Variants in C12orf75 observed in about 807,000 individuals in gnomAD.
C12orf75 encodes the protein overexpressed in colon carcinoma 1 protein.
C12orf75 carries 4 observed loss-of-function variants against 11.4 expected under a neutral mutation model. The ratio of observed to expected loss-of-function variants is 0.35; its 90% CI spans 0.17 to 0.80. The LOEUF (loss-of-function observed/expected upper bound fraction) is 0.80, where lower values mean the gene tolerates loss of function less well. C12orf75 is among the 30% of genes least tolerant of loss of function. The pLI is 0.52. For missense variants in C12orf75, 89 were observed against 80.4 expected, an observed-to-expected ratio of 1.11 and a Z score of -0.41; for synonymous variants, 30 against 30.0, an observed-to-expected ratio of 1.00 and a Z score of 0.00.
chr12:105,369,156 C>T (rs10735404), intron 5 of C12orf75, among the ~76,000 whole-genome samples: 79,397 of 152,054 alleles, frequency 0.52, 22,349 homozygotes, highest in African/African-American at 0.73. Context: ...AGACCTAAGA[C>T]GAATCCCTTA....
At chr12:105,369,712 T>C (rs1053258821) in intron 5 of C12orf75, among the ~76,000 whole-genome samples, 6 of 152,212 alleles carry the variant, frequency 3.9e-5, no homozygotes, top group African/African-American at 7.2e-5. Flanking sequence ...ATGCGATGTT[T>C]AGCTGTCTCT....
At chr12:105,370,432 C>T (rs1015062370) in intron 5 of C12orf75, among the ~76,000 whole-genome samples, 2 of 152,148 alleles carry the variant, frequency 1.3e-5, no homozygotes, top group African/African-American at 2.4e-5. Context: ...CTTTTCCTAC[C>T]CAACTTTGCC....
At chr12:105,353,444 A>T (rs1892738609) in intron 2 of C12orf75, 1 of 152,128 alleles carries the variant, frequency 6.6e-6, no homozygotes, top group African/African-American at 2.4e-5. Context: ...TGGGGTGCTC[A>T]TTGGCCAGGC....
chr12:105,336,444 T>C (rs1318806973), intron 1 of C12orf75, among the ~76,000 whole-genome samples: 1 of 152,220 alleles, frequency 6.6e-6, no homozygotes, highest in African/African-American at 2.4e-5. Context: ...TGAGTTAATG[T>C]GTGTAAAGTG....
intron 1 of C12orf75, among the ~76,000 whole-genome samples, chr12:105,338,742 G>A (rs1204187685): frequency 6.6e-6 from 1 of 151,994 alleles, no homozygotes; most frequent in Non-Finnish European, 1.5e-5. Flanking sequence ...AGGGAGGGAG[G>A]TGCCAGGCTC....
At chr12:105,361,341 A>ATGGGGCAGCCCTGTTGTTTGGATAGC in intron 2 of C12orf75, among the ~76,000 whole-genome samples, 1 of 152,216 alleles carries the variant, frequency 6.6e-6, no homozygotes, top group Non-Finnish European at 1.5e-5. Flanking sequence ...TGGTTTGCAG[A>ATGGGGCAGCCCTGTTGTTTGGATAGC]TGGGGCAGCC....
chr12:105,342,334 G>T (rs1418192679), intron 1 of C12orf75, among the ~76,000 whole-genome samples: 1 of 152,190 alleles, frequency 6.6e-6, no homozygotes, highest in African/African-American at 2.4e-5. Flanking sequence ...AGAGTGGGTT[G>T]CTGTAAAAGC....
chr12:105,354,502 A>G (rs1289935894), intron 2 of C12orf75, among the ~76,000 whole-genome samples: 2 of 152,238 alleles, frequency 1.3e-5, no homozygotes, highest in Non-Finnish European at 1.5e-5. Flanking sequence ...CTGGAGGGAC[A>G]GATTACAAAT....
chr12:105,333,618 G>C (rs1331735842), intron 1 of C12orf75, among the ~76,000 whole-genome samples: 1 of 152,102 alleles, frequency 6.6e-6, no homozygotes, highest in African/African-American at 2.4e-5. Context: ...TGTGCTGTTT[G>C]CATTATTGTG....
At chr12:105,347,059 G>A (rs1892649955) in intron 1 of C12orf75, among the ~76,000 whole-genome samples, 1 of 152,224 alleles carries the variant, frequency 6.6e-6, no homozygotes, top group African/African-American at 2.4e-5. Context: ...CATAAGGGAG[G>A]TGAGGTTTTA....
At chr12:105,338,841 G>A (rs1191781880) in intron 1 of C12orf75, among the ~76,000 whole-genome samples, 1 of 152,070 alleles carries the variant, frequency 6.6e-6, no homozygotes, top group Non-Finnish European at 1.5e-5. Context: ...CTGCCCCTAT[G>A]GCCCAAACAC....
chr12:105,351,739 G>GTGTC (rs1447424024), intron 2 of C12orf75, among the ~76,000 whole-genome samples: 1 of 152,170 alleles, frequency 6.6e-6, no homozygotes, highest in Non-Finnish European at 1.5e-5. Context: ...CAGCCAGGTG[G>GTGTC]TGTCCCCTGG....
intron 1 of C12orf75, among the ~76,000 whole-genome samples, chr12:105,347,097 T>C (rs1281253901): frequency 6.6e-6 from 1 of 152,216 alleles, no homozygotes; most frequent in African/African-American, 2.4e-5. Context: ...TAATACCATA[T>C]ATCTTGTAGG....
intron 2 of C12orf75, among the ~76,000 whole-genome samples, chr12:105,362,022 A>G (rs1011056614): frequency 6.6e-6 from 1 of 152,238 alleles, no homozygotes; most frequent in African/African-American, 2.4e-5. Flanking sequence ...GTTGTTTCTC[A>G]TGCTGATGAA....
At chr12:105,347,892 T>C (rs1433587461) in intron 1 of C12orf75, among the ~76,000 whole-genome samples, 1 of 152,190 alleles carries the variant, frequency 6.6e-6, no homozygotes, top group Non-Finnish European at 1.5e-5. Flanking sequence ...AGCGCACAGT[T>C]TGACTTAACC....
At chr12:105,332,307 A>G (rs1442377801) in intron 1 of C12orf75, among the ~76,000 whole-genome samples, 1 of 152,216 alleles carries the variant, frequency 6.6e-6, no homozygotes, top group African/African-American at 2.4e-5. Context: ...ACATTAAAAA[A>G]AATTGTAGGA....
intron 1 of C12orf75, among the ~76,000 whole-genome samples, chr12:105,331,601 CACA>C (rs1892425885): frequency 6.6e-6 from 1 of 151,108 alleles, no homozygotes; most frequent in Non-Finnish European, 1.5e-5. Context: ...AACACACACA[CACA>C]CACACACACA....
At chr12:105,367,273 C>T (rs1170542447) in intron 4 of C12orf75, among the ~76,000 whole-genome samples, 199 bp from the exon 5 acceptor site, 1 of 152,168 alleles carries the variant, frequency 6.6e-6, no homozygotes, top group Non-Finnish European at 1.5e-5. Flanking sequence ...TTTTAAATGA[C>T]TATTAACATG....
chr12:105,339,617 T>G (rs1388774859), intron 1 of C12orf75, among the ~76,000 whole-genome samples: 2 of 152,060 alleles, frequency 1.3e-5, no homozygotes, highest in Non-Finnish European at 2.9e-5. Flanking sequence ...TTTCTTTCTT[T>G]CTTTCTTTCT....
Sources: gnomAD v4.1 joint callset for allele counts (sites outside exome capture counted in the v4.1 genomes callset) on GRCh38, gnomAD v4.1.1 for gene constraint, MANE v1.5 for transcripts, NCBI Gene and HGNC (gene_info 2026-07-23, HGNC 2026-07-21) for gene names.